The following EXOC6 variants were observed in gnomAD, a reference collection of about 807,000 sequenced individuals.
EXOC6 encodes SEC15-like 1.
Under a neutral mutation model 112.5 loss-of-function variants are expected in EXOC6, and 60 were observed. That is an observed-to-expected ratio of 0.53 (90% CI 0.43 to 0.66). The LOEUF is 0.66. Among genes scored for constraint, EXOC6 ranks in the 30% least tolerant of loss-of-function variants. The pLI is 0.00. For missense variants in EXOC6, 855 were observed against 957.1 expected (o/e 0.89, Z 1.41); for synonymous variants, 295 against 308.0 (o/e 0.96, Z 0.44).
At chr10:92,970,257 G>T (rs1311750119) in intron 17 of EXOC6, among the ~76,000 whole-genome samples, 1 of 152,086 alleles carries the variant, frequency 6.6e-6, no homozygotes, top group Non-Finnish European at 1.5e-5. Context: ...AAAATGCGTG[G>T]TGCATCTGTA....
At chr10:93,040,600 C>T (rs1216825513) in intron 20 of EXOC6, among the ~76,000 whole-genome samples, 3 of 152,218 alleles carry the variant, frequency 2.0e-5, no homozygotes, top group Non-Finnish European at 2.9e-5. Flanking sequence ...AATTTCTCTT[C>T]CCTCATTTGC....
intron 2 of EXOC6, among the ~76,000 whole-genome samples, chr10:92,894,562 T>A (rs1849659205): frequency 6.6e-6 from 1 of 152,166 alleles, no homozygotes; most frequent in Non-Finnish European, 1.5e-5. Context: ...AAATCCTGAG[T>A]AAATTTGAGA....
intron 13 of EXOC6, among the ~76,000 whole-genome samples, chr10:92,941,145 G>A (rs1589873142): frequency 6.6e-6 from 1 of 152,188 alleles, no homozygotes; most frequent in East Asian, 1.9e-4. Context: ...AAATTTGACT[G>A]CTCTAGGTAC....
chr10:92,859,810 C>T (rs1010129517), intron 1 of EXOC6, among the ~76,000 whole-genome samples: 8 of 134,402 alleles, frequency 6.0e-5, no homozygotes, highest in East Asian at 2.2e-4. Context: ...TGTGTGTGCA[C>T]GTTTGTGTGC....
intron 20 of EXOC6, among the ~76,000 whole-genome samples, chr10:93,039,020 T>TAC (rs1845646577): frequency 6.6e-6 from 1 of 152,046 alleles, no homozygotes; most frequent in African/African-American, 2.4e-5. Flanking sequence ...TATATATATA[T>TAC]ACCATCTATT....
rs188264264 is a variant in EXOC6, at chr10:92,948,454, A to G, written c.1416+75A>G. 9.9e-4 allele frequency: 859 copies of G among 866,712 alleles called. 3 individuals carry two copies. The highest frequency in any genetic ancestry group is 1.3e-3 in the Non-Finnish European group (782 of 579,646). The allele number at this position is 866,712 out of a possible 1,614,324, so 53.7% of individuals were successfully genotyped here. A position where few individuals can be genotyped will look rare whatever the true frequency, so the allele number is the denominator to read the frequency against. On this transcript the variant is annotated intron_variant, in intron 14 of 21. Coordinates refer to ENST00000260762, the MANE Select transcript of EXOC6 (RefSeq NM_019053.6). The stretch of plus-strand genomic sequence containing the variant: ...TATTTGTTACTACATAATATTAAAT[A>G]TTAAGCTGAGACTGTAAATAACAGT...
At chr10:93,058,128 G>T in intron 21 of EXOC6, 95 bp from the exon 22 acceptor site, 1 of 1,106,748 alleles carries the variant, frequency 9.0e-7, no homozygotes, top group Non-Finnish European at 1.3e-6. Context: ...TAGGATTAGT[G>T]TGGGATAATT....
chr10:93,039,456 C>T (rs189309139), intron 20 of EXOC6, among the ~76,000 whole-genome samples: 5 of 152,236 alleles, frequency 3.3e-5, no homozygotes, highest in Admixed American at 3.3e-4. Context: ...CCCCTGGCTC[C>T]AAACCTCTTA....
intron 19 of EXOC6, among the ~76,000 whole-genome samples, chr10:93,008,332 A>G (rs533230109): frequency 1.8e-3 from 271 of 152,314 alleles, no homozygotes; most frequent in Middle Eastern, 6.8e-3. Context: ...AAAAAAGAAC[A>G]CTTCATAGTC....
chr10:92,947,890 C>T (rs1021184486), intron 13 of EXOC6, among the ~76,000 whole-genome samples: 1 of 152,066 alleles, frequency 6.6e-6, no homozygotes, highest in Non-Finnish European at 1.5e-5. Context: ...GGTGACAGAG[C>T]GAGACTCTGT....
intron 17 of EXOC6, among the ~76,000 whole-genome samples, chr10:92,963,994 AC>A (rs1451551567): frequency 6.6e-6 from 1 of 151,400 alleles, no homozygotes; most frequent in African/African-American, 2.4e-5. Context: ...AAAGCCTAAT[AC>A]TCTTTTTTAA....
intron 8 of EXOC6, among the ~76,000 whole-genome samples, chr10:92,923,878 A>T (rs1851571700): frequency 6.6e-6 from 1 of 152,210 alleles, no homozygotes; most frequent in Non-Finnish European, 1.5e-5. Flanking sequence ...GATACTCAGT[A>T]CTACCATGGT....
At chr10:92,889,724 G>A (rs993194045) in intron 1 of EXOC6, among the ~76,000 whole-genome samples, 1 of 151,776 alleles carries the variant, frequency 6.6e-6, no homozygotes, top group African/African-American at 2.4e-5. Flanking sequence ...CGTGTTGTCA[G>A]TATTCCAATT....
chr10:92,833,288 TA>T (rs1370828681), upstream of EXOC6, among the ~76,000 whole-genome samples: 1 of 152,178 alleles, frequency 6.6e-6, no homozygotes, highest in Non-Finnish European at 1.5e-5. Flanking sequence ...TAGATGAAAA[TA>T]TATACTTTCC....
intron 1 of EXOC6, among the ~76,000 whole-genome samples, chr10:92,890,479 A>G (rs1849442913): frequency 6.6e-6 from 1 of 152,190 alleles, no homozygotes; most frequent in Non-Finnish European, 1.5e-5. Flanking sequence ...TGCAATAGGG[A>G]ACAAAACAGT....
At chr10:92,958,292 T>TACC (rs1853803008) in intron 17 of EXOC6, among the ~76,000 whole-genome samples, 1 of 152,154 alleles carries the variant, frequency 6.6e-6, no homozygotes, top group African/African-American at 2.4e-5. Context: ...AAAATGGAAA[T>TACC]ACCATTCCCT....
chr10:93,037,827 G>A (rs1160307760), intron 20 of EXOC6, among the ~76,000 whole-genome samples: 1 of 150,218 alleles, frequency 6.7e-6, no homozygotes, highest in East Asian at 2.0e-4. Context: ...CGAGGTGGGC[G>A]GATCACGAGG....
chr10:92,970,475 G>A (rs1157242477), intron 17 of EXOC6, among the ~76,000 whole-genome samples: 1 of 152,124 alleles, frequency 6.6e-6, no homozygotes, highest in Non-Finnish European at 1.5e-5. Flanking sequence ...GTATCCGAGG[G>A]AGATCCCGGA....
chr10:92,909,313 T>G (rs1850611365), intron 5 of EXOC6, 114 bp from the exon 6 acceptor site: 1 of 658,742 alleles, frequency 1.5e-6, no homozygotes, highest in Non-Finnish European at 2.5e-6. Context: ...TTATTTTAAC[T>G]AGGACTAGGT....
Sources: allele counts gnomAD v4.1 joint callset (sites outside exome capture counted in the v4.1 genomes callset), GRCh38; gene constraint gnomAD v4.1.1; transcripts MANE v1.5; gene names NCBI Gene and HGNC (gene_info 2026-07-23, HGNC 2026-07-21).